The following LGI1 variants were observed in gnomAD, a reference collection of about 807,000 sequenced individuals.
LGI1 encodes leucine-rich glioma-inactivated protein 1.
A neutral mutation model predicts 57.7 loss-of-function variants in LGI1; 11 were observed. The ratio of observed to expected loss-of-function variants is 0.19; its 90% CI spans 0.12 to 0.32. The LOEUF (loss-of-function observed/expected upper bound fraction) is 0.32. Among genes scored for constraint, LGI1 ranks in the 10% least tolerant of loss-of-function variants. The probability of loss-of-function intolerance (pLI) is 1.00; values close to 1 mark genes in which losing one functional copy is unlikely to be tolerated. For missense variants in LGI1, 422 were observed against 661.9 expected (o/e 0.64, Z 3.98); for synonymous variants, 222 against 241.9 (o/e 0.92, Z 0.76).
At chr10:93,759,801 A>T (rs1019764964) in intron 2 of LGI1, among the ~76,000 whole-genome samples, 2 of 152,210 alleles carry the variant, frequency 1.3e-5, no homozygotes, top group South Asian at 2.1e-4. Flanking sequence ...TTGAAGTTAC[A>T]TACACAGAGG....
At chr10:93,783,584 C>G (rs1209422323) in intron 4 of LGI1, among the ~76,000 whole-genome samples, 1 of 152,144 alleles carries the variant, frequency 6.6e-6, no homozygotes, top group African/African-American at 2.4e-5. Context: ...TAGTCACTCA[C>G]AGGGCTTTGA....
At chr10:93,788,644 G>A (rs2059909689) in intron 4 of LGI1, 1 of 152,160 alleles carries the variant, frequency 6.6e-6, no homozygotes, top group Non-Finnish European at 1.5e-5. Context: ...GGAACATTCT[G>A]ACTCAGTTCC....
At chr10:93,768,821 G>A (rs1435051416) in intron 2 of LGI1, 1 of 152,218 alleles carries the variant, frequency 6.6e-6, no homozygotes, top group Non-Finnish European at 1.5e-5. Flanking sequence ...CTCCTCATCT[G>A]TAAAAAGAGG....
In LGI1 at chr10:93,793,366, T is replaced by C. The variant is rs982418045; in HGVS notation, c.838+16T>C. 9.9e-6 allele frequency: 16 copies of C among 1,610,734 alleles called. No individual in the cohort carries two copies. Among genetic ancestry groups the C allele is most frequent in the Non-Finnish European group, 1.4e-5 (16 of 1,176,968 alleles). ...AACATTACAGGTATGAAAAGCCTAA[T>C]GATATTTTGAGTGGTAATTTAAACT... On this transcript the variant is annotated intron_variant, in intron 7 of 7. Transcript: ENST00000371418.
Position 93,757,947 on chromosome 10 carries a change from C to A in LGI1, c.-198C>A. Reference sequence around the variant, plus strand: ...ATCCCTCCCATCTCACAGTACCTCACAGGTCTCTTCCCCCGAGCAGTGCAT... The same window carrying A: ...ATCCCTCCCATCTCACAGTACCTCAAAGGTCTCTTCCCCCGAGCAGTGCAT... On this transcript the variant is annotated 5_prime_UTR_variant, in exon 1 of 8. Coordinates refer to ENST00000371418, the MANE Select transcript of LGI1 (RefSeq NM_005097.4). The A allele has an allele frequency of 1.6e-6, 1 of 628,592 alleles. No individual in the cohort carries two copies. The highest frequency in any genetic ancestry group is 2.8e-6 in the Non-Finnish European group (1 of 352,266). The allele number at this position is 628,592 out of a possible 1,614,324, so 38.9% of individuals were successfully genotyped here.
intron 7 of LGI1, among the ~76,000 whole-genome samples, chr10:93,793,714 T>C (rs1201157087): frequency 6.6e-6 from 1 of 152,192 alleles, no homozygotes; most frequent in South Asian, 2.1e-4. Flanking sequence ...GGCAAGCTGC[T>C]CATACTCACT....
At chr10:93,790,042 A>C (rs2059922552) in intron 4 of LGI1, 57 bp from the exon 5 acceptor site, 1 of 1,495,066 alleles carries the variant, frequency 6.7e-7, no homozygotes, top group East Asian at 2.3e-5. Context: ...TTATCATTAA[A>C]TGCCTTTGTT....
rs571834323 is a variant in LGI1 at position 93,769,166 on chromosome 10, G to T, written c.288-8213G>T. On this transcript the variant is annotated intron_variant, in intron 2 of 7. Transcript: ENST00000371418. ...ACCAGCCCTATTCTTTTGGATAAAG[G>T]AGAGTGTTAGTAAAAACCAAAGGGT... is the stretch of plus-strand genomic sequence containing the variant. The T allele has an allele frequency of 3.7e-4, 57 of 152,284 alleles. 1 individual carries two copies. The highest frequency in any genetic ancestry group is 1.3e-3 in the African/African-American group (54 of 41,556). The allele number at this position is 152,284 out of a possible 1,614,324, so 9.4% of individuals were successfully genotyped here.
At chr10:93,767,020 A>G (rs1218750136) in intron 2 of LGI1, 2 of 152,240 alleles carry the variant, frequency 1.3e-5, no homozygotes, top group African/African-American at 4.8e-5. Context: ...TTCACTTTGC[A>G]TAGTTTTGTT....
intron 4 of LGI1, among the ~76,000 whole-genome samples, chr10:93,779,366 C>T (rs1364102920): frequency 7.4e-6 from 1 of 134,636 alleles, no homozygotes; most frequent in East Asian, 2.5e-4. Context: ...AAATGTTTCC[C>T]TGTCTTGGAA....
Position 93,758,673 on chromosome 10 carries a change from A to C in LGI1, c.216-87A>C. 1.1e-6 allele frequency: 1 copy of C among 933,352 alleles called. No individual in the cohort carries two copies. Among genetic ancestry groups the C allele is most frequent in the South Asian group, 1.3e-5 (1 of 74,920 alleles). The allele number at this position is 933,352 out of a possible 1,614,324, so 57.8% of individuals were successfully genotyped here. ...GTCAAAATAGTCACTGTTATGCTAAACCGGATTAACATAAGGTTTGTTCTG... is the reference window on the plus strand; with the variant it reads ...GTCAAAATAGTCACTGTTATGCTAACCCGGATTAACATAAGGTTTGTTCTG... On this transcript the variant is annotated intron_variant, in intron 1 of 7. Transcript: ENST00000371418. This position sits in a 1 kb window ranked among gnomAD's most constrained non-coding sequence, Gnocchi z 4.7.
intron 7 of LGI1, among the ~76,000 whole-genome samples, chr10:93,795,779 C>T (rs1425204169): frequency 6.6e-6 from 1 of 152,176 alleles, no homozygotes; most frequent in Non-Finnish European, 1.5e-5. Flanking sequence ...GGTGGCCATC[C>T]TTAATCTAGT....
chr10:93,761,610 C>T (rs1196861677), intron 2 of LGI1, among the ~76,000 whole-genome samples: 1 of 152,130 alleles, frequency 6.6e-6, no homozygotes, highest in African/African-American at 2.4e-5. Flanking sequence ...TCTGAAGTTA[C>T]ATGCAGTGTT....
At chr10:93,792,033 TC>T (rs1236061896) in intron 5 of LGI1, 1 of 152,544 alleles carries the variant, frequency 6.6e-6, no homozygotes, top group African/African-American at 2.4e-5. Context: ...TAAAATGTGC[TC>T]CTAGTACAAC....
At chr10:93,792,716 C>A in intron 5 of LGI1, 27 bp from the exon 6 acceptor site, 2 of 1,612,804 alleles carry the variant, frequency 1.2e-6, no homozygotes, top group Non-Finnish European at 1.7e-6. Flanking sequence ...CCTTGTACAG[C>A]AAAAGCAGCT....
Position 93,798,092 on chromosome 10 carries a change from C to G in LGI1, c.*289C>G, listed in dbSNP as rs897656309. 4.7e-6 allele frequency: 2 copies of G among 423,272 alleles called. No homozygotes were observed. Among genetic ancestry groups the G allele is most frequent in the South Asian group, 2.8e-5 (1 of 35,682 alleles). The allele number at this position is 423,272 out of a possible 1,614,324, so 26.2% of individuals were successfully genotyped here. On this transcript the variant is annotated 3_prime_UTR_variant, in exon 8 of 8. Transcript: ENST00000371418. ...CTCCAAAAAGAAATATTAATATGTA[C>G]TTTTCCATTTATTTATTCATGTGTA...
chr10:93,778,858 C>T (rs1229546825), intron 4 of LGI1: 1 of 152,242 alleles, frequency 6.6e-6, no homozygotes, highest in Non-Finnish European at 1.5e-5. Flanking sequence ...AGCCTGATTT[C>T]CAGTGTGTCC....
Position 93,790,555 on chromosome 10 carries a change from TA to T in LGI1, c.503+388del, listed in dbSNP as rs546337886. 24 of 206,040 alleles carry T rather than the reference TA, an allele frequency of 1.2e-4. No individual in the cohort carries two copies. In the South Asian group the frequency reaches 1.9e-3, roughly 16 times the overall value. 12.8% of individuals were successfully genotyped at this position (206,040 alleles called of 1,614,324 possible). On this transcript the variant is annotated intron_variant, in intron 5 of 7. Coordinates refer to ENST00000371418, the MANE Select transcript of LGI1 (RefSeq NM_005097.4). ...AAAGGAGTCTGGGAAACTGACAGAA[TA>T]AAGATGAAAGGTTACATCCTTGGGT...
chr10:93,781,301 G>A (rs2059845682), intron 4 of LGI1, among the ~76,000 whole-genome samples: 1 of 152,120 alleles, frequency 6.6e-6, no homozygotes, highest in African/African-American at 2.4e-5. Context: ...GGAGCTTGCA[G>A]TGAGCCGAGA....
Sources: gnomAD v4.1 joint callset for allele counts (sites outside exome capture counted in the v4.1 genomes callset) on GRCh38, gnomAD v4.1.1 for gene constraint, Gnocchi (gnomAD v3.1) non-coding constraint, MANE v1.5 for transcripts, NCBI Gene and HGNC (gene_info 2026-07-23, HGNC 2026-07-21) for gene names.